LACTB: variants seen among roughly 807,000 people sequenced by gnomAD.
LACTB encodes lactamase beta.
LACTB carries 35 observed loss-of-function variants against 50.2 expected under a neutral mutation model. The ratio of observed to expected loss-of-function variants is 0.70; its 90% confidence interval spans 0.53 to 0.92. The LOEUF (loss-of-function observed/expected upper bound fraction) is 0.92. Among genes scored for constraint, LACTB ranks in the 40% least tolerant of loss-of-function variants. The pLI is 0.00. For missense variants in LACTB, 664 were observed against 691.8 expected (o/e 0.96, Z 0.45); for synonymous variants, 252 against 268.2 (o/e 0.94, Z 0.59).
chr15:63,127,431 GAA>G lies in LACTB; in HGVS notation c.695_696del (p.Glu232GlyfsTer5). On this transcript the variant is annotated frameshift_variant, in exon 4 of 6. Transcript: ENST00000261893. LOFTEE classifies it high-confidence loss of function. ...TGAAAAGGACATAAAAAAGGTGAAAGAAGAGAAAGCTTATAAAGCCTTGAAGA... is the reference window on the plus strand; with the variant it reads ...TGAAAAGGACATAAAAAAGGTGAAAGGAGAAAGCTTATAAAGCCTTGAAGA... ...HYEKDIKKVK[E>X]EKAYKALKMM... 1 of 1,604,682 alleles carries G rather than the reference GAA, an allele frequency of 6.2e-7. No homozygotes were observed. The highest frequency in any genetic ancestry group is 8.5e-7 in the Non-Finnish European group (1 of 1,177,360).
At chr15:63,124,551 A>G (rs189807677) in intron 2 of LACTB, among the ~76,000 whole-genome samples, 3 of 152,098 alleles carry the variant, frequency 2.0e-5, no homozygotes, top group Admixed American at 1.3e-4. Flanking sequence ...AGGGATTTCT[A>G]TTCATTTTAT....
At chr15:63,127,130 A>C (rs752666125) in intron 3 of LACTB, 81 bp downstream of exon 3, 1 of 1,138,698 alleles carries the variant, frequency 8.8e-7, no homozygotes, top group South Asian at 1.7e-5. Context: ...GTTTCATAGG[A>C]TTCTTTGGCT....
chr15:63,140,132 C>T (rs993369967), intron 5 of LACTB, among the ~76,000 whole-genome samples: 4 of 151,888 alleles, frequency 2.6e-5, no homozygotes, highest in Non-Finnish European at 5.9e-5. Flanking sequence ...ATTTATTTCT[C>T]AATGAAAAAA....
intron 5 of LACTB, among the ~76,000 whole-genome samples, chr15:63,137,195 G>A (rs1025928115): frequency 2.0e-5 from 3 of 152,174 alleles, no homozygotes; most frequent in Admixed American, 6.5e-5. Flanking sequence ...TACTGATTCT[G>A]TGTAGCAAAT....
At chr15:63,129,388 T>C (rs1326643133) in intron 4 of LACTB, 97 bp from the exon 5 acceptor site, 2 of 1,136,688 alleles carry the variant, frequency 1.8e-6, no homozygotes, top group Non-Finnish European at 2.4e-6. Context: ...TATTCCAGTT[T>C]TAAAAGTATG....
chr15:63,131,019 G>C (rs1221500853), intron 5 of LACTB: 1 of 152,254 alleles, frequency 6.6e-6, no homozygotes, highest in Admixed American at 6.5e-5. Flanking sequence ...GCGGGCCGGG[G>C]CGGTGGCTCA....
intron 5 of LACTB, among the ~76,000 whole-genome samples, chr15:63,139,368 A>G (rs891451417): frequency 2.0e-5 from 3 of 151,906 alleles, no homozygotes; most frequent in South Asian, 2.1e-4. Context: ...AAATCAATAA[A>G]TAGGCCGGGC....
intron 5 of LACTB, among the ~76,000 whole-genome samples, chr15:63,137,456 G>A (rs975609771): frequency 1.6e-4 from 24 of 152,290 alleles, no homozygotes; most frequent in African/African-American, 5.8e-4. Context: ...AGTGTTTGCT[G>A]CATTTTTTAA....
intron 2 of LACTB, 54 bp from the exon 3 acceptor site, chr15:63,126,805 C>CT: frequency 1.7e-6 from 2 of 1,152,354 alleles, no homozygotes; most frequent in Non-Finnish European, 2.4e-6. Flanking sequence ...GGTTTGAAAA[C>CT]TTGTTTGACC....
chr15:63,132,032 A>C (rs1427857350), intron 5 of LACTB, among the ~76,000 whole-genome samples: 1 of 152,114 alleles, frequency 6.6e-6, no homozygotes. Context: ...TGTAGCTAAC[A>C]TGGTAATCCC....
intron 1 of LACTB, 104 bp from the exon 2 acceptor site, chr15:63,122,532 G>T: frequency 1.1e-6 from 1 of 931,306 alleles, no homozygotes. Flanking sequence ...GGTGGAGGGG[G>T]CGGGGCCCAG....
At chr15:63,125,193 G>A (rs1411128206) in intron 2 of LACTB, among the ~76,000 whole-genome samples, 2 of 148,110 alleles carry the variant, frequency 1.4e-5, no homozygotes, top group South Asian at 2.1e-4. Flanking sequence ...TTTTTTTGGA[G>A]TTTCACTCTT....
At chr15:63,125,188 T>TTC (rs2037034859) in intron 2 of LACTB, among the ~76,000 whole-genome samples, 1 of 151,128 alleles carries the variant, frequency 6.6e-6, no homozygotes, top group Non-Finnish European at 1.5e-5. Flanking sequence ...TATTTTTTTT[T>TTC]TGGAGTTTCA....
Position 63,129,662 on chromosome 15 carries a change from C to A in LACTB, c.1118+12C>A. ...TACAATAGAGCAAGGTAAATGAATA[C>A]CTTCTGCTGTGTCTAGCTATATCGC... is the stretch of plus-strand genomic sequence containing the variant. On this transcript the variant is annotated intron_variant, in intron 5 of 5. Transcript: ENST00000261893. 1 of 1,575,494 alleles carries A rather than the reference C, an allele frequency of 6.3e-7. No homozygotes were observed. Among genetic ancestry groups the A allele is most frequent in the South Asian group, 1.2e-5 (1 of 83,998 alleles).
rs375272227 is a variant in LACTB, at chr15:63,127,547, G to C, written c.810G>C (p.Glu270Asp). 2 of 1,613,920 alleles carry C rather than the reference G, an allele frequency of 1.2e-6. No homozygotes were observed. Among genetic ancestry groups the C allele is most frequent in the East Asian group, 2.2e-5 (1 of 44,848 alleles). ...TTACTAAATTTAAAACAGAGCAGGA[G>C]AATGAAGCCAAATGCCGGAATTCAA... ...NDFTKFKTEQ[E>D]NEAKCRNSKP... Residue 270 changes from glutamate to aspartate, a missense_variant, in exon 4 of 6, where the codon GAG (glutamate) becomes GAC (aspartate). Glu to Asp is a conservative substitution (Grantham distance 45). Transcript: ENST00000261893.
At chr15:63,130,515 G>GAAA (rs34509023) in intron 5 of LACTB, 10,621 of 90,186 alleles carry the variant, frequency 0.12, 655 homozygotes, top group Admixed American at 0.26. Flanking sequence ...GTCAAAAAAG[G>GAAA]AAAAAAAAAA....
chr15:63,136,402 A>G (rs1318672908), intron 5 of LACTB, among the ~76,000 whole-genome samples: 2 of 151,344 alleles, frequency 1.3e-5, no homozygotes, highest in African/African-American at 4.9e-5. Flanking sequence ...ATCAGCTCTG[A>G]GATGCTTTTG....
chr15:63,128,256 T>C (rs2037080717), intron 4 of LACTB, among the ~76,000 whole-genome samples: 1 of 152,226 alleles, frequency 6.6e-6, no homozygotes, highest in African/African-American at 2.4e-5. Flanking sequence ...TTTATAGATA[T>C]GACTAATAAG....
At position 63,129,544 on chromosome 15, in the gene LACTB, GCTT is replaced by G; in HGVS notation, c.1014_1016del (p.Ser339del). 6.2e-7 allele frequency: 1 copy of G among 1,613,238 alleles called. No individual in the cohort carries two copies. Among genetic ancestry groups the G allele is most frequent in the Non-Finnish European group, 8.5e-7 (1 of 1,179,526 alleles). ...CCTACTGGCAGCCATAGTAGAGAGA[GCTT>G]CAGGATGTAAATATTTGGACTATAT... On this transcript the variant is annotated inframe_deletion, in exon 5 of 6. Transcript: ENST00000261893.
Sources: allele counts gnomAD v4.1 joint callset (sites outside exome capture counted in the v4.1 genomes callset), GRCh38; gene constraint gnomAD v4.1.1; transcripts MANE v1.5; gene names NCBI Gene and HGNC (gene_info 2026-07-23, HGNC 2026-07-21).